The following THUMPD2 variants were observed in gnomAD, a reference collection of about 807,000 sequenced individuals.
THUMPD2 encodes the protein U6 snRNA (guanine-N(2))-methyltransferase THUMPD2.
A neutral mutation model predicts 49.4 loss-of-function variants in THUMPD2; 56 were observed. The observed-to-expected ratio is 1.13, with a 90% CI of 0.91 to 1.41. The LOEUF (loss-of-function observed/expected upper bound fraction) is 1.41. Among genes scored for constraint, THUMPD2 ranks in the 40% most tolerant of loss-of-function variants. The pLI is 0.00. For synonymous variants in THUMPD2, 237 were observed against 205.2 expected, an observed-to-expected ratio of 1.15 and a Z score of -1.32; for missense variants, 709 against 594.5, an observed-to-expected ratio of 1.19 and a Z score of -2.00.
chr2:39,755,789 A>T lies in THUMPD2; in HGVS notation c.963+100T>A, dbSNP rs926121390. On this transcript the variant is annotated intron_variant, in intron 7 of 9. Transcript: ENST00000505747. ...ATAATAACTCATATAATTAAAAATA[A>T]TCCCCAAATAGACATTCTACTTGTA... The T allele has an allele frequency of 3.1e-5, 29 of 949,190 alleles. No individual in the cohort carries two copies. In the African/African-American group the frequency reaches 4.5e-4, roughly 15 times the overall value. The allele number at this position is 949,190 out of a possible 1,614,324, so 58.8% of individuals were successfully genotyped here.
intron 8 of THUMPD2, chr2:39,744,712 G>GT (rs1166589300): frequency 1.0e-5 from 3 of 290,764 alleles, no homozygotes; most frequent in Non-Finnish European, 1.9e-5. Flanking sequence ...ACAATAAAAT[G>GT]TAAGTTAAGC....
intron 9 of THUMPD2, among the ~76,000 whole-genome samples, chr2:39,744,019 G>C (rs890022215): frequency 6.7e-6 from 1 of 149,694 alleles, no homozygotes; most frequent in South Asian, 2.1e-4. Context: ...GTTAAGTGTG[G>C]GGGATTAACA....
In THUMPD2 at chr2:39,754,666, A is replaced by G. The variant is rs538290807; in HGVS notation, c.1078+629T>C. Among the ~76,000 whole-genome samples the G allele has an allele frequency of 3.6e-3, 547 of 152,334 alleles. 2 individuals are homozygous for G. Among genetic ancestry groups the G allele is most frequent in the African/African-American group, 0.012 (501 of 41,578 alleles). ...AAATTGTCTAAACGCCAGGGATCTC[A>G]GGAAAATATTATTTTGATTGGCCTC... is the stretch of plus-strand genomic sequence containing the variant. On this transcript the variant is annotated intron_variant, in intron 8 of 9. Coordinates refer to ENST00000505747, the MANE Select transcript of THUMPD2 (RefSeq NM_025264.5).
At chr2:39,743,228 T>G (rs917961) in intron 9 of THUMPD2, among the ~76,000 whole-genome samples, 105,486 of 152,120 alleles carry the variant, frequency 0.69, 37,444 homozygotes, top group African/African-American at 0.84. Flanking sequence ...GTTATCAAAT[T>G]CCCAGCTAGA....
chr2:39,772,470 G>C (rs904200702), intron 1 of THUMPD2, among the ~76,000 whole-genome samples: 1 of 152,188 alleles, frequency 6.6e-6, no homozygotes, highest in Non-Finnish European at 1.5e-5. Flanking sequence ...TACTAAGGTA[G>C]AAATGATGAG....
rs2148327676 is a variant in THUMPD2, at chr2:39,768,473, A to C, written c.701T>G (p.Ile234Ser). ...QEVGKVIGIA[I>S]MKHFGWKADL... is the part of the protein sequence containing the mutation. ...TGCTTTCCATCCAAAGTGTTTCATA[A>C]TAGCAATTCCAATTACTTTTCCTAC... Residue 234 changes from isoleucine to serine, a missense_variant, in exon 4 of 10, where the codon ATT (isoleucine) becomes AGT (serine). Ile to Ser is a moderately radical substitution (Grantham distance 142). Transcript: ENST00000505747. The C allele has an allele frequency of 6.2e-7, 1 of 1,612,938 alleles. No individual in the cohort carries two copies. The highest frequency in any genetic ancestry group is 1.3e-5 in the African/African-American group (1 of 75,014).
At chr2:39,744,198 G>A (rs573898407) in intron 9 of THUMPD2, among the ~76,000 whole-genome samples, 172 bp downstream of exon 9, 1 of 151,994 alleles carries the variant, frequency 6.6e-6, no homozygotes, top group East Asian at 1.9e-4. Flanking sequence ...AAGATGATAT[G>A]GATAACATTT....
intron 1 of THUMPD2, among the ~76,000 whole-genome samples, chr2:39,773,562 T>TATATATATTTATATTTTAAAA (rs1678633486): frequency 1.9e-4 from 7 of 36,226 alleles, no homozygotes; most frequent in African/African-American, 1.3e-3. Flanking sequence ...TTTAAAAATA[T>TATATATATTTATATTTTAAAA]ATATATATTT....
At chr2:39,748,502 A>C (rs1343515598) in intron 8 of THUMPD2, among the ~76,000 whole-genome samples, 1 of 152,082 alleles carries the variant, frequency 6.6e-6, no homozygotes, top group Non-Finnish European at 1.5e-5. Flanking sequence ...AGAGATTGAG[A>C]CCATCCTGGC....
intron 9 of THUMPD2, among the ~76,000 whole-genome samples, chr2:39,741,159 T>C (rs1349531104): frequency 6.6e-6 from 1 of 152,162 alleles, no homozygotes; most frequent in Non-Finnish European, 1.5e-5. Flanking sequence ...AGTCAGTAAG[T>C]TGGGGGAAGT....
At chr2:39,769,143 C>T in intron 3 of THUMPD2, 1 of 1,257,738 alleles carries the variant, frequency 8.0e-7, no homozygotes, top group Non-Finnish European at 1.0e-6. Flanking sequence ...GAAGAGAAAC[C>T]CCAAAAGCTG....
At chr2:39,775,304 T>A (rs990922012) in intron 1 of THUMPD2, among the ~76,000 whole-genome samples, 3 of 152,078 alleles carry the variant, frequency 2.0e-5, no homozygotes, top group African/African-American at 7.2e-5. Flanking sequence ...TTTAAATCTA[T>A]GCAAAAACAC....
At chr2:39,777,258 T>A (rs1225125737) in intron 1 of THUMPD2, among the ~76,000 whole-genome samples, 1 of 152,142 alleles carries the variant, frequency 6.6e-6, no homozygotes, top group African/African-American at 2.4e-5. Context: ...GAAATTTGAG[T>A]AATTTGCCCA....
chr2:39,739,741 C>A (rs1481668499), intron 9 of THUMPD2, among the ~76,000 whole-genome samples: 2 of 152,108 alleles, frequency 1.3e-5, no homozygotes, highest in Admixed American at 6.6e-5. Context: ...GAGAAGTGGG[C>A]AGAGTGTGAT....
Position 39,776,418 on chromosome 2 carries a change from G to A in THUMPD2, c.126+2696C>T, listed in dbSNP as rs568174222. On this transcript the variant is annotated intron_variant, in intron 1 of 9. Transcript: ENST00000505747. Reference sequence around the variant, plus strand: ...TATTTTTTTTTTTTTTTTTGAGATGGAGTCTCACTCTGTCACCCAGGCTGG... The same window carrying A: ...TATTTTTTTTTTTTTTTTTGAGATGAAGTCTCACTCTGTCACCCAGGCTGG... 4.7e-5 allele frequency among the ~76,000 whole-genome samples: 7 copies of A among 148,272 alleles called. 1 individual carries two copies. Among genetic ancestry groups the A allele is most frequent in the East Asian group, 4.0e-4 (2 of 5,022 alleles).
chr2:39,779,180 G>A lies in THUMPD2; in HGVS notation c.60C>T (p.Cys20=). 6.6e-7 allele frequency: 1 copy of A among 1,519,808 alleles called. No individual in the cohort carries two copies. The highest frequency in any genetic ancestry group is 2.6e-5 in the East Asian group (1 of 38,348). The allele number at this position is 1,519,808 out of a possible 1,614,324, so 94.1% of individuals were successfully genotyped here. The change falls in exon 1 of 10, where the codon TGC becomes TGT. Residue 20 remains cysteine (C), a synonymous_variant. Coordinates refer to ENST00000505747, the MANE Select transcript of THUMPD2 (RefSeq NM_025264.5). The part of the protein sequence containing the change: ...SGPEAGARFF[C]TAGRGLEPFV... The stretch of plus-strand genomic sequence containing the variant: ...ACGGCTCCAGGCCGCGACCCGCAGT[G>A]CAGAAGAATCGGGCGCCAGCCTCAG...
chr2:39,739,132 C>T (rs2148155961), intron 9 of THUMPD2, among the ~76,000 whole-genome samples: 1 of 152,290 alleles, frequency 6.6e-6, no homozygotes, highest in East Asian at 1.9e-4. Flanking sequence ...ACTCTGTCTT[C>T]CGTTTCCACA....
At chr2:39,773,558 A>AAT (rs984960643) in intron 1 of THUMPD2, among the ~76,000 whole-genome samples, 4 of 40,262 alleles carry the variant, frequency 9.9e-5, no homozygotes, top group Non-Finnish European at 1.2e-4. Context: ...TATATTTAAA[A>AAT]ATATATATAT....
rs756063634 is a variant in THUMPD2 at position 39,771,593 on chromosome 2, C to CAA, written c.172_173dup (p.Leu58PhefsTer2). On this transcript the variant is annotated frameshift_variant, in exon 2 of 10. Transcript: ENST00000505747. LOFTEE classifies it high-confidence loss of function. ...CAGATTTTAATTTCTTCAACATATT[C>CAA]AAATCAGAACAGGTGGTGAAAAAAA... 3.7e-6 allele frequency: 6 copies of CAA among 1,604,248 alleles called. No homozygotes were observed. In the South Asian group the frequency reaches 6.8e-5, roughly 18 times the overall value.
Sources: gnomAD v4.1 joint callset for allele counts (sites outside exome capture counted in the v4.1 genomes callset) on GRCh38, gnomAD v4.1.1 for gene constraint, MANE v1.5 for transcripts, NCBI Gene and HGNC (gene_info 2026-07-23, HGNC 2026-07-21) for gene names.